The following FAM83A variants were observed in gnomAD, a reference collection of about 807,000 sequenced individuals.
FAM83A encodes the protein scaffolding CK1 anchoring protein A, also known as protein FAM83A.
A neutral mutation model predicts 24.4 loss-of-function variants in FAM83A; 21 were observed. The observed-to-expected ratio is 0.86, with a 90% CI of 0.61 to 1.24. The LOEUF (loss-of-function observed/expected upper bound fraction) is 1.24, where lower values mean the gene tolerates loss of function less well. FAM83A is among the 50% of genes most tolerant of loss of function. The probability of loss-of-function intolerance (pLI) is 0.00; values close to 1 mark genes in which losing one functional copy is unlikely to be tolerated. For missense variants in FAM83A, 617 were observed against 579.8 expected (o/e 1.06, Z -0.66); for synonymous variants, 270 against 252.4 (o/e 1.07, Z -0.66).
chr8:123,209,192 G>T lies in FAM83A; in HGVS notation c.*1504G>T. The T allele has an allele frequency of 8.7e-7, 1 of 1,148,974 alleles. No individual in the cohort carries two copies. Among genetic ancestry groups the T allele is most frequent in the Non-Finnish European group, 1.1e-6 (1 of 938,488 alleles). 71.2% of individuals were successfully genotyped at this position (1,148,974 alleles called of 1,614,324 possible). A position where few individuals can be genotyped will look rare whatever the true frequency, so the allele number is the denominator to read the frequency against. ...CTCTCCTCCCTTGTCGGTTTTTGGC[G>T]GGGAAGCTCAGCCTTCGCTGTGGAG... is the stretch of plus-strand genomic sequence containing the variant. On this transcript the variant is annotated 3_prime_UTR_variant, in exon 4 of 4. Coordinates refer to ENST00000690554, the Ensembl canonical transcript of FAM83A. The surrounding 1 kb of genome is among the most constrained non-coding windows in gnomAD (Gnocchi z 4.7).
chr8:123,182,530 C>T (rs774575483), upstream of FAM83A: 14 of 532,922 alleles, frequency 2.6e-5, 1 homozygote, highest in Middle Eastern at 2.9e-4. Flanking sequence ...GGCTCACCTT[C>T]GCCTCCCCCT....
chr8:123,195,460 T>G (rs879877825), intron 3 of FAM83A, among the ~76,000 whole-genome samples: 4 of 152,240 alleles, frequency 2.6e-5, no homozygotes, highest in Non-Finnish European at 5.9e-5. Context: ...GCCTTATTAG[T>G]GCCGTTTAGC....
intron 3 of FAM83A, among the ~76,000 whole-genome samples, chr8:123,204,272 G>C (rs937530695): frequency 6.6e-6 from 1 of 151,942 alleles, no homozygotes; most frequent in East Asian, 1.9e-4. Flanking sequence ...TTTTTTAAGA[G>C]AAAAAATTTT....
intron 3 of FAM83A, among the ~76,000 whole-genome samples, chr8:123,197,177 G>A (rs1030653836): frequency 3.3e-5 from 5 of 152,184 alleles, no homozygotes; most frequent in Admixed American, 1.3e-4. Context: ...CAGGCCTAGG[G>A]TGGGGCAAGT....
chr8:123,187,921 C>T (rs539477551), intron 1 of FAM83A, among the ~76,000 whole-genome samples: 5 of 151,900 alleles, frequency 3.3e-5, no homozygotes, highest in South Asian at 2.1e-4. Flanking sequence ...AGTGCAATGG[C>T]GCGATCTCAG....
At chr8:123,189,804 C>G (rs1301808515) in intron 1 of FAM83A, among the ~76,000 whole-genome samples, 1 of 152,142 alleles carries the variant, frequency 6.6e-6, no homozygotes, top group Non-Finnish European at 1.5e-5. Flanking sequence ...TGTATAAAAT[C>G]AAGCTGTGCC....
At chr8:123,198,775 T>TCTTTTG (rs1824246625) in intron 3 of FAM83A, among the ~76,000 whole-genome samples, 1 of 152,178 alleles carries the variant, frequency 6.6e-6, no homozygotes, top group Admixed American at 6.5e-5. Context: ...TTTGAGACGC[T>TCTTTTG]CTTTTGCCTA....
rs371995663 is a variant in FAM83A, at chr8:123,202,890, G to A, written c.774-4267G>A. Reference sequence around the variant, plus strand: ...TTCCAAGAATAGCCAAGATAAATCCGAAAAAGAAAAACAAGCAGGGACGAC... The same window carrying A: ...TTCCAAGAATAGCCAAGATAAATCCAAAAAAGAAAAACAAGCAGGGACGAC... On this transcript the variant is annotated intron_variant, in intron 3 of 3. Transcript: ENST00000690554. The A allele has an allele frequency of 1.4e-4, 21 of 152,070 alleles. No homozygotes were observed. The East Asian group carries it at 3.5e-3, about 25-fold the overall frequency. The allele number at this position is 152,070 out of a possible 1,614,324, so 9.4% of individuals were successfully genotyped here.
At chr8:123,179,278 T>C (rs1823538654), upstream of FAM83A, 1 of 152,138 alleles carries the variant, frequency 6.6e-6, no homozygotes, top group Non-Finnish European at 1.5e-5. Context: ...TCTGCCCTCA[T>C]GTATTCATGA....
chr8:123,206,963 TTCC>T (rs987851470), intron 3 of FAM83A, among the ~76,000 whole-genome samples, 191 bp from the exon 4 acceptor site: 2 of 109,698 alleles, frequency 1.8e-5, no homozygotes, highest in African/African-American at 3.6e-5. Context: ...TCCCCTCCTT[TTCC>T]TCCTCCTCCC....
chr8:123,189,222 C>G (rs1307589350), intron 1 of FAM83A, among the ~76,000 whole-genome samples: 7 of 152,168 alleles, frequency 4.6e-5, no homozygotes, highest in Non-Finnish European at 4.4e-5. Context: ...ATTATTAGAA[C>G]ATCTTTTCCG....
At chr8:123,197,480 G>A (rs1824197352) in intron 3 of FAM83A, among the ~76,000 whole-genome samples, 1 of 152,218 alleles carries the variant, frequency 6.6e-6, no homozygotes, top group Non-Finnish European at 1.5e-5. Context: ...CATCCGAGCT[G>A]TAGCGTGTTT....
At chr8:123,193,887 C>T (rs1055302841) in intron 2 of FAM83A, 137 bp from the exon 3 acceptor site, 1 of 1,085,094 alleles carries the variant, frequency 9.2e-7, no homozygotes, top group Non-Finnish European at 1.3e-6. Context: ...AAAGGCCCCA[C>T]CTTCTAGTAC....
At chr8:123,188,940 G>A (rs1231877817) in intron 1 of FAM83A, among the ~76,000 whole-genome samples, 1 of 152,196 alleles carries the variant, frequency 6.6e-6, no homozygotes, top group Non-Finnish European at 1.5e-5. Context: ...AAGATGCTGG[G>A]TTATTTCCAA....
intron 3 of FAM83A, among the ~76,000 whole-genome samples, chr8:123,196,550 C>G (rs1318637727): frequency 6.6e-6 from 1 of 152,030 alleles, no homozygotes; most frequent in Non-Finnish European, 1.5e-5. Context: ...TATTTTTACT[C>G]TTTTCTTTTA....
chr8:123,202,713 C>T (rs1261027137), intron 3 of FAM83A: 1 of 152,434 alleles, frequency 6.6e-6, no homozygotes, highest in Non-Finnish European at 1.5e-5. Context: ...CATCCATTAG[C>T]GGGGTGTGAA....
At chr8:123,203,433 C>T (rs192301973) in intron 3 of FAM83A, among the ~76,000 whole-genome samples, 2 of 151,454 alleles carry the variant, frequency 1.3e-5, no homozygotes, top group African/African-American at 4.8e-5. Context: ...ACTAAAAATA[C>T]AAAAATTAGC....
In FAM83A at chr8:123,209,530, G is replaced by A. The variant is rs759838443; in HGVS notation, c.*1842G>A. 1,233 of 1,614,000 alleles carry A rather than the reference G, an allele frequency of 7.6e-4. 6 individuals carry two copies. The highest frequency in any genetic ancestry group is 2.2e-4 in the Non-Finnish European group (256 of 1,180,034). On this transcript the variant is annotated 3_prime_UTR_variant, in exon 4 of 4. Coordinates refer to ENST00000690554, the Ensembl canonical transcript of FAM83A. The surrounding 1 kb of genome is among the most constrained non-coding windows in gnomAD (Gnocchi z 4.7). Reference sequence around the variant, plus strand: ...CTGACCTTGTTGTTTCACAGCTGACGGCTGAGATGAGGTTAGAATGACTGG... The same window carrying A: ...CTGACCTTGTTGTTTCACAGCTGACAGCTGAGATGAGGTTAGAATGACTGG...
intron 1 of FAM83A, among the ~76,000 whole-genome samples, chr8:123,185,872 C>A (rs1167411547): frequency 3.3e-5 from 5 of 152,198 alleles, no homozygotes; most frequent in African/African-American, 1.2e-4. Context: ...CTCACTGCAA[C>A]CTCTGCCCCC....
Sources: allele counts gnomAD v4.1 joint callset (sites outside exome capture counted in the v4.1 genomes callset), GRCh38; gene constraint gnomAD v4.1.1; non-coding constraint Gnocchi (gnomAD v3.1); transcripts MANE v1.5; gene names NCBI Gene and HGNC (gene_info 2026-07-23, HGNC 2026-07-21).